Variants in FLT1 observed in about 807,000 individuals in gnomAD.
FLT1 encodes fms related receptor tyrosine kinase 1.
In FLT1, 49 loss-of-function variants were observed where a neutral mutation model predicts 156.3. The observed-to-expected ratio is 0.31, with a 90% CI of 0.25 to 0.40. The LOEUF is 0.40. FLT1 is among the 10% of genes least tolerant of loss of function. The probability of loss-of-function intolerance (pLI) is 1.00; values close to 1 mark genes in which losing one functional copy is unlikely to be tolerated. For missense variants in FLT1, 1,322 were observed against 1,637.2 expected (o/e 0.81, Z 3.32); for synonymous variants, 594 against 583.8 (o/e 1.02, Z -0.25).
chr13:28,317,314 A>T (rs976537927), intron 25 of FLT1, among the ~76,000 whole-genome samples, 184 bp downstream of exon 25: 4 of 152,236 alleles, frequency 2.6e-5, no homozygotes, highest in African/African-American at 9.6e-5. Context: ...CACGTGCCCC[A>T]CTGCAAGAAA....
intron 17 of FLT1, among the ~76,000 whole-genome samples, chr13:28,336,700 T>C (rs1872127912): frequency 6.6e-6 from 1 of 152,144 alleles, no homozygotes; most frequent in South Asian, 2.1e-4. Flanking sequence ...TGACTTTTGA[T>C]TATTTTTCAA....
rs771076463 is a variant in FLT1 at position 28,384,868 on chromosome 13, A to T, written c.2116+17T>A. ...AAAGATGAGAAATAATAAATGGAAG[A>T]AAAAAAAGTCTCTTACCAGGCTCTT... On this transcript the variant is annotated intron_variant, in intron 14 of 29. Transcript: ENST00000282397. The T allele has an allele frequency of 2.8e-5, 45 of 1,606,832 alleles. No homozygotes were observed. The highest frequency in any genetic ancestry group is 5.4e-5 in the African/African-American group (4 of 74,498).
intron 1 of FLT1, among the ~76,000 whole-genome samples, chr13:28,487,623 A>G (rs1238398053): frequency 6.6e-6 from 1 of 152,180 alleles, no homozygotes; most frequent in Non-Finnish European, 1.5e-5. Context: ...TTAAGTGCAA[A>G]TACATTCCAT....
chr13:28,327,719 T>A (rs1871742531), intron 19 of FLT1, among the ~76,000 whole-genome samples, 169 bp from the exon 20 acceptor site: 1 of 132,958 alleles, frequency 7.5e-6, no homozygotes, highest in African/African-American at 3.0e-5. Flanking sequence ...TTTTTCAGTT[T>A]AACCTAAGAA....
chr13:28,396,767 AG>A (rs35433190), intron 12 of FLT1, 192 bp downstream of exon 12: 1 of 688,666 alleles, frequency 1.5e-6, no homozygotes, highest in Non-Finnish European at 2.7e-6. Flanking sequence ...AAGAGAATAC[AG>A]GGAAATAACT....
At chr13:28,341,727 C>A (rs1395531009) in intron 16 of FLT1, among the ~76,000 whole-genome samples, 1 of 152,098 alleles carries the variant, frequency 6.6e-6, no homozygotes, top group African/African-American at 2.4e-5. Context: ...CTCTTTGCCT[C>A]CCCCAATCCC....
At chr13:28,415,815 T>C (rs1321201147) in intron 10 of FLT1, among the ~76,000 whole-genome samples, 2 of 152,212 alleles carry the variant, frequency 1.3e-5, no homozygotes, top group African/African-American at 2.4e-5. Context: ...ATTTCCTAAA[T>C]AATCTGAAAC....
At chr13:28,494,564 C>T (rs1466145763) in intron 1 of FLT1, among the ~76,000 whole-genome samples, 1 of 152,208 alleles carries the variant, frequency 6.6e-6, no homozygotes, top group Non-Finnish European at 1.5e-5. Flanking sequence ...GCTCGCGGGT[C>T]CAGGCCAGCC....
intron 14 of FLT1, among the ~76,000 whole-genome samples, chr13:28,364,113 T>C (rs1219035909): frequency 6.6e-6 from 1 of 152,238 alleles, no homozygotes; most frequent in Non-Finnish European, 1.5e-5. Flanking sequence ...GTTCTTTATA[T>C]GTTTGGGATG....
intron 25 of FLT1, among the ~76,000 whole-genome samples, chr13:28,312,976 T>G (rs1046812618): frequency 7.9e-5 from 12 of 151,300 alleles, no homozygotes; most frequent in Non-Finnish European, 1.5e-4. Flanking sequence ...TTATTTTTAT[T>G]TTTATTTTTA....
chr13:28,391,885 C>T (rs1011314846), intron 12 of FLT1, among the ~76,000 whole-genome samples: 4 of 151,802 alleles, frequency 2.6e-5, no homozygotes, highest in African/African-American at 9.7e-5. Context: ...CTGACCCGCT[C>T]TCAAAACCTT....
intron 18 of FLT1, among the ~76,000 whole-genome samples, chr13:28,331,950 G>A (rs954848586): frequency 2.0e-5 from 3 of 152,166 alleles, no homozygotes; most frequent in African/African-American, 7.2e-5. Context: ...TCTCAGCTGG[G>A]TGCAGTGGCT....
chr13:28,379,083 C>T lies in FLT1; in HGVS notation c.2116+5802G>A, dbSNP rs113791692. Among the ~76,000 whole-genome samples, 909 of 152,282 alleles carry T rather than the reference C, an allele frequency of 6.0e-3. 3 individuals carry two copies. The highest frequency in any genetic ancestry group is 0.02 in the African/African-American group (849 of 41,540). ...TGGGGCTGGGCGTGTTGGCTCTCACCTGTAATCCCAGCACTTTGGGAGGCT... is the reference window on the plus strand; with the variant it reads ...TGGGGCTGGGCGTGTTGGCTCTCACTTGTAATCCCAGCACTTTGGGAGGCT... On this transcript the variant is annotated intron_variant, in intron 14 of 29. Transcript: ENST00000282397.
rs144723259 is a variant in FLT1 at position 28,346,523 on chromosome 13, C to T, written c.2249-972G>A. Among the ~76,000 whole-genome samples, 1,165 of 150,952 alleles carry T rather than the reference C, an allele frequency of 7.7e-3. 14 individuals are homozygous for T. Among genetic ancestry groups the T allele is most frequent in the African/African-American group, 0.026 (1,080 of 41,114 alleles). ...TTGCTGGAGCCCCGGAGTTTGAGAC[C>T]AGCCTGGGCAACATAGCAAGATGCC... On this transcript the variant is annotated intron_variant, in intron 15 of 29. Coordinates refer to ENST00000282397, the MANE Select transcript of FLT1 (RefSeq NM_002019.4).
chr13:28,413,535 A>G (rs1202318780), intron 10 of FLT1, among the ~76,000 whole-genome samples: 2 of 152,058 alleles, frequency 1.3e-5, no homozygotes, highest in East Asian at 3.9e-4. Flanking sequence ...CAGGATACCT[A>G]TTTTGTTCAT....
chr13:28,423,300 T>A (rs1788315234), intron 10 of FLT1, among the ~76,000 whole-genome samples: 2 of 152,112 alleles, frequency 1.3e-5, no homozygotes, highest in African/African-American at 4.8e-5. Flanking sequence ...ATGACACCCT[T>A]CCATTTACTC....
rs779158951 is a variant in FLT1, at chr13:28,494,807, C to G, written c.37G>C (p.Ala13Pro). The G allele has an allele frequency of 9.5e-6, 15 of 1,575,170 alleles. No homozygotes were observed. Among genetic ancestry groups the G allele is most frequent in the Non-Finnish European group, 1.3e-5 (15 of 1,165,672 alleles). Residue 13 changes from alanine to proline, a missense_variant, in exon 1 of 30, where the codon GCG becomes CCG. Physicochemically the swap from Ala to Pro is conservative, Grantham distance 27. Coordinates refer to ENST00000282397, the MANE Select transcript of FLT1 (RefSeq NM_002019.4). Reference protein sequence around the residue: ...SYWDTGVLLCALLSCLLLTGS... With the variant: ...SYWDTGVLLCPLLSCLLLTGS... ...GTGAGAAGCAGACAGCTGAGCAGCG[C>G]GCACAGCAGGACCCCGGTGTCCCAG...
Position 28,303,048 on chromosome 13 carries a change from A to G in FLT1, c.*119T>C. On this transcript the variant is annotated 3_prime_UTR_variant, in exon 30 of 30. Transcript: ENST00000282397. ...CACTATTAAAAAAATCACAAAAAGC[A>G]GCTGGCTCCCATGGAAAGATAAAGG... is the stretch of plus-strand genomic sequence containing the variant. 2 of 854,246 alleles carry G rather than the reference A, an allele frequency of 2.3e-6. No homozygotes were observed. Among genetic ancestry groups the G allele is most frequent in the Non-Finnish European group, 3.6e-6 (2 of 553,220 alleles). 52.9% of individuals were successfully genotyped at this position (854,246 alleles called of 1,614,324 possible).
rs567191328 is a variant in FLT1 at position 28,481,632 on chromosome 13, A to G, written c.64+13148T>C. ...TGCCAGGCACTGTACTGGATTCACA[A>G]TTGCAAAGATGGGTCAGAAACATTT... On this transcript the variant is annotated intron_variant, in intron 1 of 29. Coordinates refer to ENST00000282397, the MANE Select transcript of FLT1 (RefSeq NM_002019.4). Among the ~76,000 whole-genome samples the G allele has an allele frequency of 1.1e-4, 16 of 152,352 alleles. No individual in the cohort carries two copies. In the South Asian group the frequency reaches 3.3e-3, roughly 32 times the overall value.
Sources: allele counts gnomAD v4.1 joint callset (sites outside exome capture counted in the v4.1 genomes callset), GRCh38; gene constraint gnomAD v4.1.1; transcripts MANE v1.5; gene names NCBI Gene and HGNC (gene_info 2026-07-23, HGNC 2026-07-21).